Variants in ABCA13 observed in about 807,000 individuals in gnomAD.
ABCA13 encodes ATP binding cassette subfamily A member 13.
Under a neutral mutation model 478.7 loss-of-function variants are expected in ABCA13, and 476 were observed. That is an observed-to-expected ratio of 0.99 (90% confidence interval 0.92 to 1.07). The LOEUF is 1.07. ABCA13 is among the 50% of genes least tolerant of loss of function. The pLI, the probability that ABCA13 is intolerant of heterozygous loss-of-function variation, is 0.00. For synonymous variants in ABCA13, 2,252 were observed against 2,158.9 expected (o/e 1.04, Z -1.20); for missense variants, 6,060 against 5,910.6 (o/e 1.03, Z -0.83).
At chr7:48,622,654 A>G (rs746165517) in intron 59 of ABCA13, among the ~76,000 whole-genome samples, 1 of 152,032 alleles carries the variant, frequency 6.6e-6, no homozygotes, top group Non-Finnish European at 1.5e-5. Flanking sequence ...ACCATTTATT[A>G]TAGTCTGTTA....
intron 58 of ABCA13, among the ~76,000 whole-genome samples, chr7:48,599,513 C>A (rs1250643477): frequency 6.6e-6 from 1 of 151,990 alleles, no homozygotes; most frequent in Non-Finnish European, 1.5e-5. Flanking sequence ...TATGTATTTC[C>A]AGTCTATGGC....
chr7:48,237,745 A>G (rs1228549373), intron 8 of ABCA13, among the ~76,000 whole-genome samples: 2 of 152,094 alleles, frequency 1.3e-5, no homozygotes, highest in Non-Finnish European at 2.9e-5. Flanking sequence ...AAAATGATTT[A>G]TCTAACCTCA....
chr7:48,331,149 C>G (rs1215984218), intron 27 of ABCA13, among the ~76,000 whole-genome samples: 1 of 152,146 alleles, frequency 6.6e-6, no homozygotes, highest in Non-Finnish European at 1.5e-5. Flanking sequence ...ATATCTTGTG[C>G]TATGACCTAG....
intron 44 of ABCA13, among the ~76,000 whole-genome samples, chr7:48,470,582 T>C (rs918054278): frequency 6.6e-6 from 1 of 152,202 alleles, no homozygotes. Flanking sequence ...GCCAACAAAG[T>C]GTGGAGAAAT....
intron 56 of ABCA13, among the ~76,000 whole-genome samples, chr7:48,582,102 T>G (rs1425728648): frequency 6.6e-6 from 1 of 152,198 alleles, no homozygotes; most frequent in East Asian, 1.9e-4. Flanking sequence ...AGACACAGTT[T>G]AATTGAGACA....
intron 19 of ABCA13, among the ~76,000 whole-genome samples, chr7:48,287,322 A>T (rs1427473242): frequency 6.6e-6 from 1 of 152,180 alleles, no homozygotes; most frequent in African/African-American, 2.4e-5. Context: ...AGCCTTGTGG[A>T]TCAGAGCGTA....
At chr7:48,621,923 G>A (rs1793175722) in intron 59 of ABCA13, among the ~76,000 whole-genome samples, 1 of 152,152 alleles carries the variant, frequency 6.6e-6, no homozygotes, top group South Asian at 2.1e-4. Context: ...TCTGGTGCAG[G>A]TGGAAATATT....
chr7:48,216,833 A>C (rs1403861460), intron 3 of ABCA13, among the ~76,000 whole-genome samples: 1 of 152,198 alleles, frequency 6.6e-6, no homozygotes, highest in African/African-American at 2.4e-5. Flanking sequence ...GTTACCTTCT[A>C]TCTATAGATT....
intron 52 of ABCA13, among the ~76,000 whole-genome samples, chr7:48,517,854 G>T (rs376896962): frequency 6.6e-6 from 1 of 152,176 alleles, no homozygotes; most frequent in Non-Finnish European, 1.5e-5. Context: ...ACCTGGAAAA[G>T]GTACTGAGCT....
At chr7:48,486,086 T>G (rs1829267523) in intron 47 of ABCA13, among the ~76,000 whole-genome samples, 1 of 152,094 alleles carries the variant, frequency 6.6e-6, no homozygotes, top group African/African-American at 2.4e-5. Flanking sequence ...GGCTTTCTAG[T>G]TTTCTAACTG....
In ABCA13 at chr7:48,276,233, G is replaced by A; in HGVS notation, c.6567G>A (p.Leu2189=). 6.3e-7 allele frequency: 1 copy of A among 1,575,842 alleles called. No homozygotes were observed. Among genetic ancestry groups the A allele is most frequent in the Admixed American group, 1.8e-5 (1 of 54,330 alleles). Residue 2189 remains leucine (L), a synonymous_variant, in exon 17 of 62, where the codon CTG becomes CTA. Coordinates refer to ENST00000435803, the MANE Select transcript of ABCA13 (RefSeq NM_152701.5). ...GNFDVAFLTH[L]LNQEQLTNFS... is the part of the protein sequence containing the mutation. ...TTGATGTTGCCTTTCTTACCCATCT[G>A]CTAAATCAAGAACAGCTGACTAATT...
intron 41 of ABCA13, among the ~76,000 whole-genome samples, chr7:48,422,167 T>G (rs1417207559): frequency 6.6e-6 from 1 of 152,010 alleles, no homozygotes; most frequent in African/African-American, 2.4e-5. Context: ...TCCCTTTTTC[T>G]TTCATGTGAC....
chr7:48,248,827 A>T (rs1434279934), intron 14 of ABCA13, among the ~76,000 whole-genome samples: 3 of 152,178 alleles, frequency 2.0e-5, no homozygotes, highest in African/African-American at 7.2e-5. Context: ...GACTCTGTGA[A>T]TTATATGTGT....
At chr7:48,382,650 G>A (rs1264416903) in intron 35 of ABCA13, among the ~76,000 whole-genome samples, 1 of 152,132 alleles carries the variant, frequency 6.6e-6, no homozygotes, top group Non-Finnish European at 1.5e-5. Flanking sequence ...ATCCCTCCCA[G>A]CATCTCTGTC....
chr7:48,182,025 C>T (rs1028292263), intron 1 of ABCA13, among the ~76,000 whole-genome samples: 15 of 152,098 alleles, frequency 9.9e-5, no homozygotes, highest in African/African-American at 3.6e-4. Context: ...CACTTGATGT[C>T]CTGTATACCC....
intron 40 of ABCA13, 85 bp from the exon 41 acceptor site, chr7:48,412,268 G>C (rs1819364007): frequency 3.1e-6 from 3 of 980,564 alleles, no homozygotes; most frequent in South Asian, 3.6e-5. Flanking sequence ...GAAATAATTT[G>C]CTTATGGATA....
rs555707114 is a variant in ABCA13, at chr7:48,179,154, A to G, written c.69+7602A>G. On this transcript the variant is annotated intron_variant, in intron 1 of 61. Transcript: ENST00000435803. Reference sequence around the variant, plus strand: ...TAGGCCTGGGTTTTTCAATTACAGGAAAGGTTTTAAAAACAACAAACAACA... The same window carrying G: ...TAGGCCTGGGTTTTTCAATTACAGGGAAGGTTTTAAAAACAACAAACAACA... Among the ~76,000 whole-genome samples the G allele has an allele frequency of 7.2e-5, 11 of 152,224 alleles. No homozygotes were observed. The South Asian group carries it at 2.3e-3, about 32-fold the overall frequency.
At chr7:48,589,941 T>C (rs906615163) in intron 57 of ABCA13, among the ~76,000 whole-genome samples, 2 of 152,182 alleles carry the variant, frequency 1.3e-5, no homozygotes, top group Admixed American at 1.3e-4. Context: ...CAATACTGTT[T>C]CATTAGGGAT....
intron 58 of ABCA13, among the ~76,000 whole-genome samples, chr7:48,595,808 A>G (rs968720256): frequency 6.6e-6 from 1 of 152,156 alleles, no homozygotes; most frequent in Admixed American, 6.5e-5. Context: ...CTACTAGCAT[A>G]ACTTTGAGAA....
Sources: allele counts gnomAD v4.1 joint callset (sites outside exome capture counted in the v4.1 genomes callset), GRCh38; gene constraint gnomAD v4.1.1; transcripts MANE v1.5; gene names NCBI Gene and HGNC (gene_info 2026-07-23, HGNC 2026-07-21).